TRIML2: variants seen among roughly 807,000 people sequenced by gnomAD.
The protein encoded by TRIML2 is tripartite motif family like 2.
TRIML2 carries 28 observed loss-of-function variants against 31.2 expected under a neutral mutation model. That is an observed-to-expected ratio of 0.90 (90% CI 0.66 to 1.23). TRIML2 has a LOEUF of 1.23. Among genes scored for constraint, TRIML2 ranks in the 50% most tolerant of loss-of-function variants. The pLI is 0.00. For missense variants in TRIML2, 536 were observed against 528.3 expected (o/e 1.01, Z -0.14); for synonymous variants, 187 against 197.5 (o/e 0.95, Z 0.45).
At chr4:188,096,081 C>T (rs1404726911) in intron 7 of TRIML2, among the ~76,000 whole-genome samples, 1 of 152,200 alleles carries the variant, frequency 6.6e-6, no homozygotes, top group Non-Finnish European at 1.5e-5. Flanking sequence ...TGCCTGCAAT[C>T]ATGTTTCATG....
At chr4:188,094,133 A>G (rs904561055) in intron 7 of TRIML2, among the ~76,000 whole-genome samples, 4 of 142,416 alleles carry the variant, frequency 2.8e-5, no homozygotes, top group Non-Finnish European at 6.0e-5. Flanking sequence ...AAAACAAAAA[A>G]CACAAAACAA....
At position 188,105,387 on chromosome 4, in the gene TRIML2, T is replaced by A. The variant is rs564751603; in HGVS notation, c.-19A>T. 9.0e-4 allele frequency: 1,389 copies of A among 1,542,112 alleles called. 1 individual carries two copies. Among genetic ancestry groups the A allele is most frequent in the Middle Eastern group, 1.1e-3 (5 of 4,436 alleles). On this transcript the variant is annotated 5_prime_UTR_variant, in exon 2 of 8. Coordinates refer to ENST00000682553, the MANE Select transcript of TRIML2 (RefSeq NM_173553.4). ...TGGACATCCTGGTAGGGGTCCCTAG[T>A]TGAAGACTGGACTGTATGCTTCTAC...
intron 1 of TRIML2, among the ~76,000 whole-genome samples, chr4:188,108,765 T>G (rs1734136416): frequency 6.6e-6 from 1 of 152,192 alleles, no homozygotes. Flanking sequence ...TCAGCTCAAA[T>G]GTCTTCCCAA....
chr4:188,105,224 G>T lies in TRIML2; in HGVS notation c.145C>A (p.His49Asn), dbSNP rs1338031334. ...SKCFQSQEHK[H>N]HMVCGIQEAA... Reference sequence around the variant, plus strand: ...TCTTGTATCCCACACACCATGTGATGTTTGTGCTCCTGGGACTGGAAGCAT... The same window carrying T: ...TCTTGTATCCCACACACCATGTGATTTTTGTGCTCCTGGGACTGGAAGCAT... The change falls in exon 2 of 8, where the codon CAT becomes AAT. Residue 49 changes from histidine (H) to asparagine (N), a missense_variant. By Grantham distance (68) the His-to-Asn change is moderately conservative. Transcript: ENST00000682553. The T allele has an allele frequency of 6.2e-7, 1 of 1,610,918 alleles. No individual in the cohort carries two copies. The highest frequency in any genetic ancestry group is 1.7e-5 in the Admixed American group (1 of 59,966).
chr4:188,092,811 A>T, intron 7 of TRIML2: 1 of 455,582 alleles, frequency 2.2e-6, no homozygotes, highest in South Asian at 1.6e-5. Flanking sequence ...GGCTCAATGA[A>T]TTCCTCACAC....
intron 2 of TRIML2, 28 bp downstream of exon 2, chr4:188,105,152 T>C (rs1733972078): frequency 6.3e-7 from 1 of 1,588,686 alleles, no homozygotes; most frequent in Admixed American, 1.7e-5. Context: ...GGCCAGAGTG[T>C]TTTGGGATTT....
rs1733565291 is a variant in TRIML2, at chr4:188,097,352, G to A, written c.622-6C>T. 6.2e-7 allele frequency: 1 copy of A among 1,613,800 alleles called. No individual in the cohort carries two copies. The highest frequency in any genetic ancestry group is 8.5e-7 in the Non-Finnish European group (1 of 1,179,882). ...TCTAAAGAGTATTTTGCATTCTAAGGGAAAGAAAAGAGACCAGGTTACTAC... is the reference window on the plus strand; with the variant it reads ...TCTAAAGAGTATTTTGCATTCTAAGAGAAAGAAAAGAGACCAGGTTACTAC... On this transcript the variant is annotated splice_polypyrimidine_tract_variant and splice_region_variant and intron_variant, in intron 5 of 7. Coordinates refer to ENST00000682553, the MANE Select transcript of TRIML2 (RefSeq NM_173553.4).
rs779391366 is a variant in TRIML2, at chr4:188,091,477, G to C, written c.1210C>G (p.Leu404Val). 1.2e-6 allele frequency: 2 copies of C among 1,614,156 alleles called. No homozygotes were observed. The highest frequency in any genetic ancestry group is 1.7e-6 in the Non-Finnish European group (2 of 1,180,040). ...NFSHCAFQGALRPVFSLCIPN... is the reference protein window; with the variant it reads ...NFSHCAFQGAVRPVFSLCIPN... ...ATACAGAGGGAAAACACAGGCCTGA[G>C]AGCTCCTTGGAAGGCGCAATGGGAG... The change falls in exon 8 of 8, where the codon CTC becomes GTC. Residue 404 changes from leucine (L) to valine (V), a missense_variant. Leu to Val is a conservative substitution (Grantham distance 32). Coordinates refer to ENST00000682553, the MANE Select transcript of TRIML2 (RefSeq NM_173553.4).
intron 2 of TRIML2, 44 bp from the exon 3 acceptor site, chr4:188,104,976 A>C (rs776779573): frequency 6.4e-7 from 1 of 1,559,868 alleles, no homozygotes; most frequent in Admixed American, 1.7e-5. Flanking sequence ...ATTGATTTAG[A>C]ACAGTTGGAT....
At chr4:188,096,262 T>C (rs1248781538) in intron 7 of TRIML2, among the ~76,000 whole-genome samples, 1 of 150,832 alleles carries the variant, frequency 6.6e-6, no homozygotes, top group East Asian at 2.0e-4. Context: ...TAGCCAGGCG[T>C]GGTGGCTCAC....
At chr4:188,099,200 A>G (rs773343276) in intron 4 of TRIML2, 25 bp from the exon 5 acceptor site, 13 of 1,565,228 alleles carry the variant, frequency 8.3e-6, no homozygotes, top group Non-Finnish European at 1.1e-5. Context: ...CTTCGTTACT[A>G]TTCAACAACC....
chr4:188,099,988 A>G (rs535883197), intron 4 of TRIML2, among the ~76,000 whole-genome samples: 7 of 152,342 alleles, frequency 4.6e-5, no homozygotes, highest in South Asian at 4.1e-4. Context: ...TTAGGGGGAA[A>G]AAACATAAAC....
chr4:188,098,641 T>C (rs777702098), intron 5 of TRIML2: 19 of 203,164 alleles, frequency 9.4e-5, no homozygotes, highest in Non-Finnish European at 1.7e-4. Context: ...ATATACTTAT[T>C]ATCCAAAGAT....
At chr4:188,096,011 C>G (rs1355741913) in intron 7 of TRIML2, among the ~76,000 whole-genome samples, 1 of 152,114 alleles carries the variant, frequency 6.6e-6, no homozygotes, top group South Asian at 2.1e-4. Flanking sequence ...AGATATAAAC[C>G]CTTTGTTATA....
At chr4:188,095,931 C>T (rs1450311794) in intron 7 of TRIML2, among the ~76,000 whole-genome samples, 3 of 152,194 alleles carry the variant, frequency 2.0e-5, no homozygotes, top group Admixed American at 2.0e-4. Flanking sequence ...TGCTGTCAGC[C>T]TCGAAAGGCC....
rs971864609 is a variant in TRIML2 at position 188,109,351 on chromosome 4, A to C, written c.-331T>G. ...GAATGCAGTGGCGCAATCTCGGCTC[A>C]CTACAGCCTCGAGCTCCCAGGCTCA... On this transcript the variant is annotated 5_prime_UTR_variant, in exon 1 of 8. Transcript: ENST00000682553. 7.6e-6 allele frequency: 1 copy of C among 131,896 alleles called. No homozygotes were observed. Among genetic ancestry groups the C allele is most frequent in the African/African-American group, 3.0e-5 (1 of 33,876 alleles). 8.2% of individuals were successfully genotyped at this position (131,896 alleles called of 1,614,324 possible). A position where few individuals can be genotyped will look rare whatever the true frequency, so the allele number is the denominator to read the frequency against.
At chr4:188,101,331 C>A (rs1030590499) in intron 3 of TRIML2, 81 bp from the exon 4 acceptor site, 4 of 701,218 alleles carry the variant, frequency 5.7e-6, no homozygotes, top group Non-Finnish European at 9.1e-6. Flanking sequence ...AGATAGATAT[C>A]TATATCTATA....
intron 7 of TRIML2, among the ~76,000 whole-genome samples, chr4:188,093,233 A>G (rs1733344894): frequency 6.6e-6 from 1 of 152,192 alleles, no homozygotes; most frequent in Non-Finnish European, 1.5e-5. Context: ...AGTAAATTTA[A>G]TGAACTTAAA....
At chr4:188,094,552 CAT>C (rs1380126535) in intron 7 of TRIML2, among the ~76,000 whole-genome samples, 2 of 152,056 alleles carry the variant, frequency 1.3e-5, no homozygotes, top group Non-Finnish European at 2.9e-5. Context: ...CTGTAAAAAA[CAT>C]AAAATACTTA....
Sources: gnomAD v4.1 joint callset for allele counts (sites outside exome capture counted in the v4.1 genomes callset) on GRCh38, gnomAD v4.1.1 for gene constraint, MANE v1.5 for transcripts, NCBI Gene and HGNC (gene_info 2026-07-23, HGNC 2026-07-21) for gene names.